Variants in DPH6 observed in about 807,000 individuals in gnomAD.
DPH6 encodes the protein diphthine--ammonia ligase.
In DPH6, 33 loss-of-function variants were observed where a neutral mutation model predicts 38.2. The observed-to-expected ratio is 0.86, with a 90% confidence interval of 0.65 to 1.15. The LOEUF is 1.15. Ranked by LOEUF, DPH6 falls within the 50% of genes most tolerant of loss-of-function variation. The pLI, the probability that DPH6 is intolerant of heterozygous loss-of-function variation, is 0.00. For missense variants in DPH6, 325 were observed against 320.0 expected (o/e 1.02, Z -0.12); for synonymous variants, 108 against 103.0 (o/e 1.05, Z -0.30).
chr15:35,264,313 T>C (rs2051769501), intron 3 of DPH6, among the ~76,000 whole-genome samples: 1 of 152,200 alleles, frequency 6.6e-6, no homozygotes, highest in Admixed American at 6.5e-5. Context: ...TTTTTCTTTT[T>C]TCTACTTGAG....
chr15:35,259,465 C>T (rs1295156748), intron 3 of DPH6, among the ~76,000 whole-genome samples: 1 of 152,118 alleles, frequency 6.6e-6, no homozygotes, highest in East Asian at 1.9e-4. Flanking sequence ...GTATTTATTG[C>T]AAGTAATATA....
chr15:35,401,003 G>T, intron 6 of DPH6: 1 of 914,088 alleles, frequency 1.1e-6, no homozygotes, highest in Admixed American at 1.7e-5. Context: ...CTGTGAAAAA[G>T]ACATTTGTTG....
chr15:35,393,473 G>T (rs937869821), intron 6 of DPH6, among the ~76,000 whole-genome samples: 6 of 152,136 alleles, frequency 3.9e-5, no homozygotes, highest in Non-Finnish European at 1.5e-5. Flanking sequence ...TGGTTTTTTT[G>T]TTTGTTTGTT....
chr15:35,164,994 A>T, the DPH6 span, among the ~76,000 whole-genome samples: 22 of 151,832 alleles, frequency 1.4e-4, no homozygotes, highest in African/African-American at 2.4e-5. Flanking sequence ...TTTCCCCTTA[A>T]GCTTACCTGT....
chr15:35,225,569 T>C (rs1299949760), intron 3 of DPH6, among the ~76,000 whole-genome samples: 1 of 152,220 alleles, frequency 6.6e-6, no homozygotes, highest in Non-Finnish European at 1.5e-5. Context: ...TTTTATTTTT[T>C]TGAGTACTTC....
chr15:35,238,012 G>A (rs2051568175), intron 3 of DPH6: 1 of 1,532,866 alleles, frequency 6.5e-7, no homozygotes, highest in Non-Finnish European at 9.0e-7. Flanking sequence ...AAGAAGAAAG[G>A]GGTCAGAAGC....
chr15:35,400,534 T>A (rs1188022776), intron 6 of DPH6, among the ~76,000 whole-genome samples: 2 of 152,082 alleles, frequency 1.3e-5, no homozygotes, highest in African/African-American at 4.8e-5. Flanking sequence ...GAGGTAAATA[T>A]CAAAAACAAC....
intron 5 of DPH6, among the ~76,000 whole-genome samples, chr15:35,417,904 T>A (rs1022305434): frequency 2.0e-5 from 3 of 152,066 alleles, no homozygotes; most frequent in African/African-American, 7.2e-5. Context: ...ATATCATCAT[T>A]CTCATTTTAT....
At chr15:35,422,026 G>GAATAC in intron 5 of DPH6, among the ~76,000 whole-genome samples, 1 of 151,934 alleles carries the variant, frequency 6.6e-6, no homozygotes, top group East Asian at 1.9e-4. Context: ...TGGATGTGGG[G>GAATAC]AATACAGGAG....
exon 4 of DPH6, chr15:35,220,226 G>A (rs150844997): frequency 1.3e-5 from 2 of 151,908 alleles, no homozygotes; most frequent in African/African-American, 4.8e-5. Flanking sequence ...TTTTGGGAGG[G>A]CAGTTTTACG....
chr15:35,152,191 T>C, the DPH6 span, among the ~76,000 whole-genome samples: 5 of 152,208 alleles, frequency 3.3e-5, no homozygotes, highest in Non-Finnish European at 7.3e-5. Context: ...GTAAAATTAG[T>C]TTTCTTATAC....
chr15:35,515,051 C>G (rs73382766), intron 3 of DPH6, among the ~76,000 whole-genome samples: 3 of 151,890 alleles, frequency 2.0e-5, no homozygotes, highest in East Asian at 3.9e-4. Flanking sequence ...AAGACAGACA[C>G]TGTGCTTTAA....
intron 3 of DPH6, chr15:35,282,583 G>C: frequency 2.9e-6 from 1 of 350,664 alleles, no homozygotes; most frequent in South Asian, 2.3e-5. Flanking sequence ...ATGAGGCTGG[G>C]TGATGCTCCA....
At chr15:35,182,715 T>C in the DPH6 span, among the ~76,000 whole-genome samples, 1 of 152,156 alleles carries the variant, frequency 6.6e-6, no homozygotes, top group African/African-American at 2.4e-5. Flanking sequence ...TCTCAGATAA[T>C]AAATAATCTC....
intron 3 of DPH6, among the ~76,000 whole-genome samples, chr15:35,275,123 G>T (rs1393066669): frequency 1.3e-5 from 2 of 152,032 alleles, no homozygotes; most frequent in Admixed American, 6.5e-5. Context: ...CGCCATGTTG[G>T]CCAGGATGGT....
intron 3 of DPH6, among the ~76,000 whole-genome samples, chr15:35,230,424 C>A (rs1221620258): frequency 6.6e-6 from 1 of 152,060 alleles, no homozygotes; most frequent in African/African-American, 2.4e-5. Context: ...GGGGAGTGGG[C>A]TCCCCTTCTG....
intron 3 of DPH6, among the ~76,000 whole-genome samples, chr15:35,228,180 A>C (rs2051495138): frequency 6.6e-6 from 1 of 152,240 alleles, no homozygotes; most frequent in Non-Finnish European, 1.5e-5. Context: ...ATAAACAAAC[A>C]AACAAAAAGA....
At chr15:35,429,351 T>C (rs2053605617) in intron 5 of DPH6, among the ~76,000 whole-genome samples, 1 of 152,136 alleles carries the variant, frequency 6.6e-6, no homozygotes. Context: ...TATTTACCTC[T>C]ATTTTGTTTT....
At chr15:35,180,896 G>A in the DPH6 span, among the ~76,000 whole-genome samples, 5 of 152,118 alleles carry the variant, frequency 3.3e-5, no homozygotes, top group East Asian at 9.6e-4. Context: ...GGCATTGAAA[G>A]TAATTTTTAA....
Sources: gnomAD v4.1 joint callset for allele counts (sites outside exome capture counted in the v4.1 genomes callset) on GRCh38, gnomAD v4.1.1 for gene constraint, MANE v1.5 for transcripts, NCBI Gene and HGNC (gene_info 2026-07-23, HGNC 2026-07-21) for gene names.